The following PFAS variants were observed in gnomAD, a reference collection of about 807,000 sequenced individuals.
The protein encoded by PFAS is FGAM synthase.
PFAS carries 97 observed loss-of-function variants against 140.6 expected under a neutral mutation model. The observed-to-expected ratio is 0.69, with a 90% CI of 0.59 to 0.82. The LOEUF is 0.82. PFAS is among the 40% of genes least tolerant of loss of function. The pLI is 0.00. For synonymous variants in PFAS, 679 were observed against 718.8 expected (o/e 0.94, Z 0.88); for missense variants, 1,656 against 1,780.2 (o/e 0.93, Z 1.26).
chr17:8,249,425 A>C (rs1567631253), intron 1 of PFAS, 86 bp downstream of exon 1: 1 of 152,234 alleles, frequency 6.6e-6, no homozygotes, highest in Non-Finnish European at 1.5e-5. Context: ...TGGCGGCTTC[A>C]GTATCCCCAC....
At position 8,266,512 on chromosome 17, in the gene PFAS, G is replaced by A. The variant is rs1205718033; in HGVS notation, c.2821+159G>A. ...TGTCTCTCTGACAGCTGAACTGGAT[G>A]GAACTGGCTGACACCCACCATGTTC... On this transcript the variant is annotated intron_variant, in intron 22 of 27. Coordinates refer to ENST00000314666, the MANE Select transcript of PFAS (RefSeq NM_012393.3). This position sits in a 1 kb window ranked among gnomAD's most constrained non-coding sequence, Gnocchi z 5.0. 2.7e-6 allele frequency: 4 copies of A among 1,464,218 alleles called. No homozygotes were observed. Among genetic ancestry groups the A allele is most frequent in the South Asian group, 2.8e-5 (2 of 70,200 alleles). The allele number at this position is 1,464,218 out of a possible 1,614,324, so 90.7% of individuals were successfully genotyped here.
Position 8,264,662 on chromosome 17 carries a change from TC to T in PFAS, c.2049+64del, listed in dbSNP as rs540753716. On this transcript the variant is annotated intron_variant, in intron 17 of 27. Transcript: ENST00000314666. ...TTCCTCCGCTCAGCCTCTTCTGCCC[TC>T]CCACCCTTAGAAAGTGCTGTGGGGG... 3,531 of 1,507,106 alleles carry T rather than the reference TC, an allele frequency of 2.3e-3. 20 individuals are homozygous for T. Among genetic ancestry groups the T allele is most frequent in the Non-Finnish European group, 1.8e-3 (1,964 of 1,117,174 alleles). 93.4% of individuals were successfully genotyped at this position (1,507,106 alleles called of 1,614,324 possible). A position where few individuals can be genotyped will look rare whatever the true frequency, so the allele number is the denominator to read the frequency against.
At chr17:8,261,531 A>G (rs1387387895) in intron 11 of PFAS, among the ~76,000 whole-genome samples, 2 of 151,872 alleles carry the variant, frequency 1.3e-5, no homozygotes, top group East Asian at 3.9e-4. Flanking sequence ...GAGCCACCGC[A>G]CCTGGCCGAG....
rs921850040 is a variant in PFAS at position 8,256,347 on chromosome 17, T to G, written c.761T>G (p.Ile254Ser). The G allele has an allele frequency of 3.7e-6, 6 of 1,613,902 alleles. No individual in the cohort carries two copies. Among genetic ancestry groups the G allele is most frequent in the Non-Finnish European group, 5.1e-6 (6 of 1,180,024 alleles). The change falls in exon 7 of 28, where the codon ATC becomes AGC. Residue 254 changes from isoleucine (I) to serine (S), a missense_variant. Ile to Ser is a moderately radical substitution (Grantham distance 142). Coordinates refer to ENST00000314666, the MANE Select transcript of PFAS (RefSeq NM_012393.3). ...QKLVHSLFES[I>S]MSTQESSNPN... is the part of the protein sequence containing the mutation. ...CTGGTGCACTCACTGTTTGAGTCCATCATGAGCACCCAGGAATCCTCGAAC... is the reference window on the plus strand; with the variant it reads ...CTGGTGCACTCACTGTTTGAGTCCAGCATGAGCACCCAGGAATCCTCGAAC...
In PFAS at chr17:8,258,180, C is replaced by A; in HGVS notation, c.1317C>A (p.Ser439Arg). 2 of 1,614,060 alleles carry A rather than the reference C, an allele frequency of 1.2e-6. No individual in the cohort carries two copies. The highest frequency in any genetic ancestry group is 3.3e-5 in the Admixed American group (2 of 60,030). Residue 439 changes from serine to arginine, a missense_variant, in exon 11 of 28, where the codon AGC becomes AGA. This residue lies in a region of PFAS where 773 missense variants were observed against 757.3 expected (regional missense o/e 1.02). Coordinates refer to ENST00000314666, the MANE Select transcript of PFAS (RefSeq NM_012393.3). ...GIGSMEADHI[S>R]KEAPEPGMEV... ...GGTCCATGGAAGCTGACCACATAAG[C>A]AAGGAGGCCCCAGAGCCAGGTAAGA...
chr17:8,264,386 A>T (rs1989723826), intron 16 of PFAS, 49 bp downstream of exon 16: 3 of 1,611,514 alleles, frequency 1.9e-6, no homozygotes, highest in Non-Finnish European at 2.5e-6. Context: ...TCTCCACACC[A>T]CCCTTTACCC....
In PFAS at chr17:8,267,721, T is replaced by G. The variant is rs1437996305; in HGVS notation, c.3382+56T>G. ...CCCCCACATTCCTGAAGAGGTGCCT[T>G]TAGCCCCATCTTCCTGGGCTGGGGA... On this transcript the variant is annotated intron_variant, in intron 26 of 27. Transcript: ENST00000314666. This position sits in a 1 kb window ranked among gnomAD's most constrained non-coding sequence, Gnocchi z 4.9. 2 of 991,634 alleles carry G rather than the reference T, an allele frequency of 2.0e-6. No homozygotes were observed. The highest frequency in any genetic ancestry group is 1.6e-5 in the African/African-American group (1 of 62,784). The allele number at this position is 991,634 out of a possible 1,614,324, so 61.4% of individuals were successfully genotyped here.
At chr17:8,250,484 G>T (rs760094639) in intron 1 of PFAS, among the ~76,000 whole-genome samples, 5 of 152,224 alleles carry the variant, frequency 3.3e-5, no homozygotes, top group Non-Finnish European at 2.9e-5. Flanking sequence ...GAGGGAAAGA[G>T]AATTAAGGAT....
Position 8,268,534 on chromosome 17 carries a change from G to T in PFAS, c.3384G>T (p.Gly1128=). 1 of 1,610,742 alleles carries T rather than the reference G, an allele frequency of 6.2e-7. No homozygotes were observed. The change falls in exon 27 of 28, where the codon GGG becomes GGT. Residue 1128 remains glycine (G), a splice_region_variant and synonymous_variant. Coordinates refer to ENST00000314666, the MANE Select transcript of PFAS (RefSeq NM_012393.3). ...CCTGACTTCCCTATTCCCTGCTAGG[G>T]TGGGCAGCTGCTGTGACCTTTCATC... ...SYADVLGSAK[G]WAAAVTFHPR...
chr17:8,265,341 C>G lies in PFAS; in HGVS notation c.2334C>G (p.Gly778=), dbSNP rs529005464. 1 of 1,614,124 alleles carries G rather than the reference C, an allele frequency of 6.2e-7. No homozygotes were observed. The highest frequency in any genetic ancestry group is 1.7e-5 in the Admixed American group (1 of 60,028). The change falls in exon 19 of 28, where the codon GGC becomes GGG. Residue 778 remains glycine, a synonymous_variant. Coordinates refer to ENST00000314666, the MANE Select transcript of PFAS (RefSeq NM_012393.3). ...WMWAAKLPGE[G]AALADACEAM... ...GGGCAGCCAAGCTCCCAGGGGAGGG[C>G]GCAGCTTTGGCGGATGCCTGTGAGG...
At chr17:8,264,703 TG>T in intron 17 of PFAS, 102 bp downstream of exon 17, 1 of 1,333,118 alleles carries the variant, frequency 7.5e-7, no homozygotes, top group Non-Finnish European at 1.0e-6. Context: ...TGCCTGGCCC[TG>T]CAGGAAGCAG....
At chr17:8,261,810 T>G (rs1989605026) in intron 11 of PFAS, among the ~76,000 whole-genome samples, 1 of 151,332 alleles carries the variant, frequency 6.6e-6, no homozygotes, top group Non-Finnish European at 1.5e-5. Context: ...TGGATTTCAC[T>G]GTGTTAGCCA....
chr17:8,260,853 C>T (rs574293428), intron 11 of PFAS, among the ~76,000 whole-genome samples: 1 of 151,998 alleles, frequency 6.6e-6, no homozygotes, highest in Non-Finnish European at 1.5e-5. Context: ...CTCTATCTCC[C>T]GATCTCGTGA....
chr17:8,262,711 G>A (rs1046021781), intron 11 of PFAS, among the ~76,000 whole-genome samples: 13 of 151,980 alleles, frequency 8.6e-5, no homozygotes, highest in African/African-American at 2.9e-4. Context: ...CAGGAATATC[G>A]CTTGAACCCA....
intron 11 of PFAS, among the ~76,000 whole-genome samples, chr17:8,262,652 C>T (rs534970009): frequency 5.3e-5 from 8 of 152,154 alleles, no homozygotes; most frequent in South Asian, 2.1e-4. Flanking sequence ...AAAAATTAGC[C>T]GGGCACGATA....
chr17:8,258,502 A>G (rs1225472418), intron 11 of PFAS, among the ~76,000 whole-genome samples: 2 of 152,322 alleles, frequency 1.3e-5, no homozygotes, highest in African/African-American at 4.8e-5. Context: ...CATGATGAAC[A>G]AAACAGCATG....
At chr17:8,247,968 G>GA (rs1241261788), upstream of PFAS, 3 of 1,599,090 alleles carry the variant, frequency 1.9e-6, no homozygotes, top group African/African-American at 2.7e-5. Flanking sequence ...TGACAAACAA[G>GA]AAAAAAGGAA....
chr17:8,263,212 C>G lies in PFAS; in HGVS notation c.1514C>G (p.Ala505Gly). 1.2e-6 allele frequency: 2 copies of G among 1,613,992 alleles called. No homozygotes were observed. The highest frequency in any genetic ancestry group is 8.5e-7 in the Non-Finnish European group (1 of 1,179,922). ...MNRVIRACVE[A>G]PKGNPICSLH... is the part of the protein sequence containing the mutation. ...CGTGTGATCAGGGCTTGTGTGGAGGCCCCCAAGGGAAACCCCATCTGCAGC... is the reference window on the plus strand; with the variant it reads ...CGTGTGATCAGGGCTTGTGTGGAGGGCCCCAAGGGAAACCCCATCTGCAGC... The change falls in exon 13 of 28, where the codon GCC becomes GGC. Residue 505 changes from alanine to glycine, a missense_variant. Ala to Gly is a moderately conservative substitution (Grantham distance 60). Transcript: ENST00000314666.
upstream of PFAS, chr17:8,248,129 G>A: frequency 1.1e-6 from 1 of 947,974 alleles, no homozygotes. Context: ...ACCGGTGAGC[G>A]GGTTTCCTCG....
Sources: allele counts gnomAD v4.1 joint callset (sites outside exome capture counted in the v4.1 genomes callset), GRCh38; gene constraint gnomAD v4.1.1; regional missense constraint gnomAD v4.1.1; non-coding constraint Gnocchi (gnomAD v3.1); transcripts MANE v1.5; gene names NCBI Gene and HGNC (gene_info 2026-07-23, HGNC 2026-07-21).